KLF15: variants seen among roughly 807,000 people sequenced by gnomAD.
KLF15 encodes KLF transcription factor 15, also known as Krueppel-like factor 15.
Under a neutral mutation model 24.6 loss-of-function variants are expected in KLF15, and 4 were observed. The observed-to-expected ratio is 0.16, with a 90% CI of 0.08 to 0.37. The LOEUF is 0.37. Among genes scored for constraint, KLF15 ranks in the 10% least tolerant of loss-of-function variants. The pLI, the probability that KLF15 is intolerant of heterozygous loss-of-function variation, is 1.00. For missense variants in KLF15, 496 were observed against 560.6 expected, an observed-to-expected ratio of 0.88 and a Z score of 1.16; for synonymous variants, 246 against 236.3, an observed-to-expected ratio of 1.04 and a Z score of -0.37.
At chr3:126,306,688 T>G in the KLF15 span, among the ~76,000 whole-genome samples, 1 of 152,248 alleles carries the variant, frequency 6.6e-6, no homozygotes, top group Admixed American at 6.5e-5. Flanking sequence ...GTATGGCCTA[T>G]TCATATGAAG....
the KLF15 span, among the ~76,000 whole-genome samples, chr3:126,311,275 G>A: frequency 2.6e-5 from 4 of 152,192 alleles, no homozygotes; most frequent in African/African-American, 9.6e-5. Flanking sequence ...GAATTTTTGG[G>A]CTGAGAAGTC....
the KLF15 span, among the ~76,000 whole-genome samples, chr3:126,289,147 A>G: frequency 3.3e-5 from 5 of 152,248 alleles, no homozygotes; most frequent in Non-Finnish European, 7.3e-5. Context: ...AACCAATGTT[A>G]GAATCTTCTT....
intron 2 of KLF15, among the ~76,000 whole-genome samples, chr3:126,350,216 T>C (rs528665967): frequency 1.1e-3 from 164 of 152,342 alleles, no homozygotes; most frequent in Non-Finnish European, 9.1e-4. Context: ...TCTAACCTCC[T>C]ATGCAGTGTA....
chr3:126,298,302 G>GT, the KLF15 span, among the ~76,000 whole-genome samples: 6,306 of 140,110 alleles, frequency 0.045, 369 homozygotes, highest in African/African-American at 0.14. Flanking sequence ...GGATTATTAG[G>GT]TTTTTTTTTT....
intron 2 of KLF15, among the ~76,000 whole-genome samples, chr3:126,345,490 C>A (rs1212170168): frequency 6.6e-6 from 1 of 152,016 alleles, no homozygotes. Flanking sequence ...CACACACGGA[C>A]AAATACATGC....
At chr3:126,317,366 G>A in the KLF15 span, among the ~76,000 whole-genome samples, 54 of 152,098 alleles carry the variant, frequency 3.6e-4, 1 homozygote, top group Non-Finnish European at 7.4e-5. Flanking sequence ...AATAATAATT[G>A]GTTGCAGCCA....
At chr3:126,311,121 C>A in the KLF15 span, among the ~76,000 whole-genome samples, 54 of 152,332 alleles carry the variant, frequency 3.5e-4, no homozygotes, top group African/African-American at 1.3e-3. Context: ...TGGGCCCCTG[C>A]AGCTCACCTG....
chr3:126,320,977 G>C, the KLF15 span, among the ~76,000 whole-genome samples: 1 of 152,100 alleles, frequency 6.6e-6, no homozygotes, highest in East Asian at 1.9e-4. Flanking sequence ...TCCCGGAAAG[G>C]TGGCAGGAGG....
the KLF15 span, among the ~76,000 whole-genome samples, chr3:126,298,352 AG>A: frequency 6.8e-6 from 1 of 147,122 alleles, no homozygotes. Context: ...TCTGGATATT[AG>A]TCCTTTGTTG....
chr3:126,349,572 T>TGAGA (rs2082565951), intron 2 of KLF15, among the ~76,000 whole-genome samples: 1 of 152,218 alleles, frequency 6.6e-6, no homozygotes, highest in Non-Finnish European at 1.5e-5. Flanking sequence ...TCTGCCTCAC[T>TGAGA]GAGATACACT....
the KLF15 span, among the ~76,000 whole-genome samples, chr3:126,301,610 CTTT>C: frequency 5.8e-4 from 77 of 132,278 alleles, no homozygotes; most frequent in African/African-American, 2.2e-3. Context: ...TTTTCTTTTT[CTTT>C]TTTTTTTTTT....
At chr3:126,318,145 T>TC in the KLF15 span, among the ~76,000 whole-genome samples, 3 of 152,030 alleles carry the variant, frequency 2.0e-5, no homozygotes, top group East Asian at 5.8e-4. Flanking sequence ...CTTGGTCCTT[T>TC]CCCCCCAACT....
the KLF15 span, among the ~76,000 whole-genome samples, chr3:126,301,691 G>C: frequency 9.6e-5 from 14 of 145,262 alleles, no homozygotes; most frequent in Non-Finnish European, 1.3e-4. Context: ...CTCAGTTCAC[G>C]GCAACCTCTG....
chr3:126,311,361 T>G, the KLF15 span, among the ~76,000 whole-genome samples: 1 of 152,216 alleles, frequency 6.6e-6, no homozygotes, highest in Non-Finnish European at 1.5e-5. Flanking sequence ...GCAAAGCTTC[T>G]GCTGTCTGGA....
At chr3:126,293,019 T>C in the KLF15 span, among the ~76,000 whole-genome samples, 1 of 151,710 alleles carries the variant, frequency 6.6e-6, no homozygotes, top group Non-Finnish European at 1.5e-5. Flanking sequence ...GAATCAAAGA[T>C]GATGTTTAGG....
the KLF15 span, among the ~76,000 whole-genome samples, chr3:126,324,830 C>CT: frequency 2.6e-5 from 1 of 38,382 alleles, no homozygotes; most frequent in Non-Finnish European, 4.7e-5. Flanking sequence ...TTATTATACT[C>CT]TAAGTTTTAG....
At chr3:126,318,122 C>A in the KLF15 span, among the ~76,000 whole-genome samples, 4 of 152,158 alleles carry the variant, frequency 2.6e-5, no homozygotes, top group South Asian at 6.2e-4. Flanking sequence ...ACCCTGCCCA[C>A]TCTCTTCTTG....
At chr3:126,348,321 A>G (rs950077187) in intron 2 of KLF15, among the ~76,000 whole-genome samples, 1 of 152,188 alleles carries the variant, frequency 6.6e-6, no homozygotes, top group African/African-American at 2.4e-5. Flanking sequence ...AGTGCCAAGT[A>G]TGCATTAGAG....
the KLF15 span, among the ~76,000 whole-genome samples, chr3:126,290,177 A>C: frequency 6.6e-6 from 1 of 152,030 alleles, no homozygotes; most frequent in Non-Finnish European, 1.5e-5. Context: ...AGGGGTCCCA[A>C]GTTTTTATTT....
Sources: gnomAD v4.1 joint callset for allele counts (sites outside exome capture counted in the v4.1 genomes callset) on GRCh38, gnomAD v4.1.1 for gene constraint, MANE v1.5 for transcripts, NCBI Gene and HGNC (gene_info 2026-07-23, HGNC 2026-07-21) for gene names.